Variants in LHX8 observed in about 807,000 individuals in gnomAD.
LHX8 encodes the protein LIM homeobox 8.
Under a neutral mutation model 40.3 loss-of-function variants are expected in LHX8, and 12 were observed. The observed-to-expected ratio is 0.30, with a 90% CI of 0.19 to 0.48. LHX8 has a LOEUF of 0.48. LHX8 is among the 20% of genes least tolerant of loss of function. The probability of loss-of-function intolerance (pLI) is 0.99; values close to 1 mark genes in which losing one functional copy is unlikely to be tolerated. For missense variants in LHX8, 344 were observed against 433.7 expected (o/e 0.79, Z 1.84); for synonymous variants, 179 against 162.0 (o/e 1.10, Z -0.80).
In LHX8 at chr1:75,157,082, T is replaced by TA; in HGVS notation, c.964+7dup. The TA allele has an allele frequency of 6.2e-7, 1 of 1,613,968 alleles. No homozygotes were observed. The highest frequency in any genetic ancestry group is 2.2e-5 in the East Asian group (1 of 44,884). On this transcript the variant is annotated splice_region_variant and intron_variant, in intron 8 of 8. Coordinates refer to ENST00000356261, the MANE Select transcript of LHX8 (RefSeq NM_001256114.2). The stretch of plus-strand genomic sequence containing the variant: ...GCTGCATAGTTATATGGATGGTAGG[T>TA]ATCCCAACATTTAACAGCTGTCTCC...
the LHX8 span, among the ~76,000 whole-genome samples, chr1:75,185,538 C>A: frequency 6.6e-6 from 1 of 151,130 alleles, no homozygotes; most frequent in African/African-American, 2.4e-5. Flanking sequence ...ATTAAGGGAA[C>A]ATACCTCAAA....
chr1:75,135,275 G>A (rs1022788953), intron 1 of LHX8, among the ~76,000 whole-genome samples: 5 of 152,264 alleles, frequency 3.3e-5, no homozygotes, highest in Admixed American at 1.3e-4. Context: ...GGACCTGTGG[G>A]TATTTGGTGT....
At chr1:75,135,718 T>C (rs1053859039) in intron 1 of LHX8, among the ~76,000 whole-genome samples, 2 of 152,206 alleles carry the variant, frequency 1.3e-5, no homozygotes, top group African/African-American at 4.8e-5. Flanking sequence ...TGGAAACACT[T>C]GAGTAACGCG....
At chr1:75,154,117 G>T (rs1225366047) in intron 7 of LHX8, among the ~76,000 whole-genome samples, 1 of 152,124 alleles carries the variant, frequency 6.6e-6, no homozygotes, top group Non-Finnish European at 1.5e-5. Flanking sequence ...TTGGAGGTTT[G>T]CAAACAAGAA....
the LHX8 span, among the ~76,000 whole-genome samples, chr1:75,193,694 C>T: frequency 1.3e-5 from 2 of 152,198 alleles, no homozygotes; most frequent in African/African-American, 4.8e-5. Context: ...CCTTAACTTC[C>T]AGAATCCCTA....
At chr1:75,156,694 A>C (rs1219956217) in intron 7 of LHX8, among the ~76,000 whole-genome samples, 199 bp from the exon 8 acceptor site, 2 of 152,232 alleles carry the variant, frequency 1.3e-5, no homozygotes, top group African/African-American at 4.8e-5. Flanking sequence ...CTATCAACTG[A>C]GCAAGAAAAA....
At chr1:75,137,004 G>A in intron 2 of LHX8, 96 bp from the exon 3 acceptor site, 1 of 1,221,720 alleles carries the variant, frequency 8.2e-7, no homozygotes, top group Non-Finnish European at 1.1e-6. Flanking sequence ...TGGCCAGGGG[G>A]AAGGGAGGGG....
the LHX8 span, among the ~76,000 whole-genome samples, chr1:75,177,145 T>C: frequency 6.6e-6 from 1 of 152,218 alleles, no homozygotes; most frequent in African/African-American, 2.4e-5. Context: ...TAGGATTGTC[T>C]TGGCAATGTG....
At chr1:75,181,928 T>G in the LHX8 span, among the ~76,000 whole-genome samples, 2 of 152,168 alleles carry the variant, frequency 1.3e-5, no homozygotes, top group African/African-American at 4.8e-5. Flanking sequence ...TTACAAAAAA[T>G]TTTCTCCCAT....
At chr1:75,132,467 T>C (rs2100324115), upstream of LHX8, 1 of 152,404 alleles carries the variant, frequency 6.6e-6, no homozygotes, top group Admixed American at 6.5e-5. Flanking sequence ...TCACGTCTTC[T>C]GCTCCTGTCT....
intron 3 of LHX8, among the ~76,000 whole-genome samples, chr1:75,139,029 G>GT (rs1047209152): frequency 1.3e-5 from 2 of 151,800 alleles, no homozygotes; most frequent in African/African-American, 2.4e-5. Context: ...AAAAGTTTGA[G>GT]TTTAACTTGA....
chr1:75,143,976 T>C, intron 6 of LHX8, 28 bp downstream of exon 6: 1 of 1,578,846 alleles, frequency 6.3e-7, no homozygotes, highest in Non-Finnish European at 8.7e-7. Flanking sequence ...TTTTTTATTT[T>C]TGAAGCCCCT....
At chr1:75,139,339 A>G (rs562770014) in intron 3 of LHX8, among the ~76,000 whole-genome samples, 1 of 152,268 alleles carries the variant, frequency 6.6e-6, no homozygotes, top group Non-Finnish European at 1.5e-5. Context: ...TGGAAGATAA[A>G]CAGACATTTT....
At chr1:75,158,211 C>T (rs1648821863) in intron 8 of LHX8, among the ~76,000 whole-genome samples, 1 of 152,078 alleles carries the variant, frequency 6.6e-6, no homozygotes, top group South Asian at 2.1e-4. Flanking sequence ...GTCTTTTTGT[C>T]TTTTGGCCTA....
the LHX8 span, among the ~76,000 whole-genome samples, chr1:75,194,233 C>CCT: frequency 0.12 from 17,713 of 152,112 alleles, 1,708 homozygotes; most frequent in African/African-American, 0.26. Flanking sequence ...CTAAGTTCCA[C>CCT]CTGTGTAAGA....
At chr1:75,190,182 C>T in the LHX8 span, among the ~76,000 whole-genome samples, 63 of 152,190 alleles carry the variant, frequency 4.1e-4, no homozygotes, top group South Asian at 8.3e-4. Context: ...TGGGTCTTAA[C>T]GAATGAGAGG....
chr1:75,152,188 A>G (rs1648629932), intron 7 of LHX8, among the ~76,000 whole-genome samples: 1 of 152,214 alleles, frequency 6.6e-6, no homozygotes, highest in African/African-American at 2.4e-5. Flanking sequence ...AAGAGTTTTT[A>G]TTACTAGACT....
chr1:75,154,392 T>G (rs576915272), intron 7 of LHX8, among the ~76,000 whole-genome samples: 793 of 67,638 alleles, frequency 0.012, 3 homozygotes, highest in Non-Finnish European at 0.017. Context: ...AGTTTGAGTG[T>G]TTTTTTTTTT....
chr1:75,188,343 A>G, the LHX8 span, among the ~76,000 whole-genome samples: 1 of 152,208 alleles, frequency 6.6e-6, no homozygotes, highest in Non-Finnish European at 1.5e-5. Context: ...TGCTCATCCA[A>G]CAAACAAATT....
Sources: allele counts gnomAD v4.1 joint callset (sites outside exome capture counted in the v4.1 genomes callset), GRCh38; gene constraint gnomAD v4.1.1; transcripts MANE v1.5; gene names NCBI Gene and HGNC (gene_info 2026-07-23, HGNC 2026-07-21).